The following CNTN5 variants were observed in gnomAD, a reference collection of about 807,000 sequenced individuals.
CNTN5 encodes contactin-5.
In CNTN5, 77 loss-of-function variants were observed where a neutral mutation model predicts 129.1. The observed-to-expected ratio is 0.60, with a 90% CI of 0.50 to 0.72. The LOEUF is 0.72. CNTN5 is among the 30% of genes least tolerant of loss of function. The pLI, the probability that CNTN5 is intolerant of heterozygous loss-of-function variation, is 0.00. For synonymous variants in CNTN5, 509 were observed against 465.6 expected (o/e 1.09, Z -1.20); for missense variants, 1,478 against 1,328.8 (o/e 1.11, Z -1.75).
At chr11:100,349,207 C>T (rs901845195) in intron 23 of CNTN5, among the ~76,000 whole-genome samples, 10 of 151,992 alleles carry the variant, frequency 6.6e-5, no homozygotes, top group African/African-American at 1.9e-4. Flanking sequence ...TTCAAGTACA[C>T]GCAGGCTTCA....
At chr11:99,921,950 T>C (rs976642952) in intron 7 of CNTN5, among the ~76,000 whole-genome samples, 59 of 152,200 alleles carry the variant, frequency 3.9e-4, no homozygotes, top group Non-Finnish European at 2.9e-5. Context: ...ATGTCTTGCT[T>C]ATTTGCTTAA....
At chr11:99,803,869 C>T (rs1946189378) in intron 3 of CNTN5, among the ~76,000 whole-genome samples, 2 of 152,130 alleles carry the variant, frequency 1.3e-5, no homozygotes, top group Non-Finnish European at 2.9e-5. Flanking sequence ...TTTCTGTTTT[C>T]CTTCTTGAAT....
chr11:99,855,503 G>A (rs1160152875), intron 6 of CNTN5, among the ~76,000 whole-genome samples: 1 of 151,968 alleles, frequency 6.6e-6, no homozygotes, highest in Non-Finnish European at 1.5e-5. Flanking sequence ...TATTGATTTT[G>A]GCCATAACAG....
chr11:100,300,408 T>G (rs2138894200), intron 20 of CNTN5, among the ~76,000 whole-genome samples: 1 of 151,580 alleles, frequency 6.6e-6, no homozygotes, highest in Middle Eastern at 3.4e-3. Context: ...AATTTACAAA[T>G]GACTGAGAAA....
At chr11:99,673,703 T>C (rs1953147341) in intron 3 of CNTN5, among the ~76,000 whole-genome samples, 1 of 152,122 alleles carries the variant, frequency 6.6e-6, no homozygotes, top group Admixed American at 6.5e-5. Flanking sequence ...CATATTTGGT[T>C]TTCTCTTCCT....
intron 9 of CNTN5, among the ~76,000 whole-genome samples, chr11:100,013,790 A>G (rs936070912): frequency 6.6e-6 from 1 of 152,212 alleles, no homozygotes; most frequent in African/African-American, 2.4e-5. Context: ...TGCTACTTTT[A>G]AAGCCGATTT....
chr11:99,255,806 A>G (rs547473136), intron 1 of CNTN5, among the ~76,000 whole-genome samples: 1 of 151,176 alleles, frequency 6.6e-6, no homozygotes, highest in Non-Finnish European at 1.5e-5. Context: ...ACACGCACAC[A>G]CACACACACG....
intron 3 of CNTN5, chr11:99,558,333 A>G: frequency 2.7e-6 from 1 of 366,114 alleles, no homozygotes; most frequent in Non-Finnish European, 5.4e-6. Context: ...GAAATAAAGG[A>G]CACCCAGTTA....
intron 13 of CNTN5, among the ~76,000 whole-genome samples, chr11:100,110,783 G>A (rs1320072898): frequency 6.6e-6 from 1 of 152,192 alleles, no homozygotes; most frequent in African/African-American, 2.4e-5. Context: ...CACAGAGTCA[G>A]GGGAACCATT....
intron 1 of CNTN5, among the ~76,000 whole-genome samples, chr11:99,184,097 C>T (rs937024458): frequency 6.6e-6 from 1 of 152,030 alleles, no homozygotes; most frequent in Non-Finnish European, 1.5e-5. Flanking sequence ...CACTGTTTTC[C>T]TAATCTCAAT....
At chr11:99,721,471 C>T (rs763887364) in intron 3 of CNTN5, among the ~76,000 whole-genome samples, 1 of 152,086 alleles carries the variant, frequency 6.6e-6, no homozygotes, top group African/African-American at 2.4e-5. Context: ...ACACCATATA[C>T]AGAAGTCAAC....
intron 6 of CNTN5, among the ~76,000 whole-genome samples, chr11:99,915,796 C>T (rs574612189): frequency 3.9e-4 from 59 of 152,224 alleles, no homozygotes; most frequent in South Asian, 1.7e-3. Context: ...GCTATACTCC[C>T]TAGCATCTAT....
chr11:99,874,006 A>C (rs899756664), intron 6 of CNTN5, among the ~76,000 whole-genome samples: 1 of 152,136 alleles, frequency 6.6e-6, no homozygotes, highest in African/African-American at 2.4e-5. Context: ...GTGGGAGCTA[A>C]ACAATGGGTA....
intron 1 of CNTN5, among the ~76,000 whole-genome samples, chr11:99,200,500 G>A (rs1859115558): frequency 6.6e-6 from 1 of 152,084 alleles, no homozygotes; most frequent in Non-Finnish European, 1.5e-5. Flanking sequence ...CATAACTTTG[G>A]CAAATAATGA....
At chr11:99,602,254 G>C (rs35393507) in intron 3 of CNTN5, among the ~76,000 whole-genome samples, 22,274 of 151,872 alleles carry the variant, frequency 0.15, 1,736 homozygotes, top group Non-Finnish European at 0.18. Flanking sequence ...TTAACTTCTA[G>C]TTTCTATCTT....
At chr11:99,585,203 T>G (rs1048155346) in intron 3 of CNTN5, among the ~76,000 whole-genome samples, 1 of 152,242 alleles carries the variant, frequency 6.6e-6, no homozygotes, top group Admixed American at 6.5e-5. Flanking sequence ...GATTTCAGAT[T>G]ACTCATTACA....
intron 3 of CNTN5, among the ~76,000 whole-genome samples, chr11:99,591,672 G>C (rs554321501): frequency 1.1e-4 from 16 of 152,118 alleles, no homozygotes; most frequent in Admixed American, 1.0e-3. Context: ...CAGCTGGTGC[G>C]GGAAGAGAGA....
chr11:100,350,666 T>A (rs750712638), intron 23 of CNTN5, 36 bp from the exon 24 acceptor site: 1 of 1,512,800 alleles, frequency 6.6e-7, no homozygotes, highest in Non-Finnish European at 9.0e-7. Flanking sequence ...TTGTAATCTT[T>A]CATATCAAAT....
intron 1 of CNTN5, among the ~76,000 whole-genome samples, chr11:99,226,564 C>A (rs1184914478): frequency 6.6e-6 from 1 of 152,126 alleles, no homozygotes; most frequent in Admixed American, 6.5e-5. Context: ...CGATAACAGG[C>A]CATATTCATC....
Sources: gnomAD v4.1 joint callset for allele counts (sites outside exome capture counted in the v4.1 genomes callset) on GRCh38, gnomAD v4.1.1 for gene constraint, MANE v1.5 for transcripts, NCBI Gene and HGNC (gene_info 2026-07-23, HGNC 2026-07-21) for gene names.